The following BIRC6 variants were observed in gnomAD, a reference collection of about 807,000 sequenced individuals.
The protein encoded by BIRC6 is baculoviral IAP repeat containing 6.
A neutral mutation model predicts 503.3 loss-of-function variants in BIRC6; 98 were observed. The observed-to-expected ratio is 0.19, with a 90% confidence interval of 0.17 to 0.23. The LOEUF is 0.23. BIRC6 is among the 10% of genes least tolerant of loss of function. The probability of loss-of-function intolerance (pLI) is 1.00; values close to 1 mark genes in which losing one functional copy is unlikely to be tolerated. For synonymous variants in BIRC6, 2,240 were observed against 2,078.7 expected, an observed-to-expected ratio of 1.08 and a Z score of -2.11; for missense variants, 5,360 against 5,806.0, an observed-to-expected ratio of 0.92 and a Z score of 2.50.
intron 61 of BIRC6, among the ~76,000 whole-genome samples, chr2:32,535,332 T>C (rs898236194): frequency 2.6e-5 from 4 of 152,178 alleles, no homozygotes; most frequent in Non-Finnish European, 5.9e-5. Context: ...ATTATACTTT[T>C]AGGGTACATG....
At chr2:32,377,466 T>C (rs909117675) in intron 1 of BIRC6, 122 bp from the exon 2 acceptor site, 2 of 715,618 alleles carry the variant, frequency 2.8e-6, no homozygotes, top group Admixed American at 8.2e-5. Context: ...TTTAGAGAAG[T>C]TTTTTCCAGT....
chr2:32,441,958 T>G, intron 17 of BIRC6, 107 bp from the exon 18 acceptor site: 25 of 823,278 alleles, frequency 3.0e-5, no homozygotes, highest in Non-Finnish European at 3.9e-5. Context: ...TAAATGTACT[T>G]GAGATGTTCA....
intron 57 of BIRC6, chr2:32,522,519 T>G (rs1382357923): frequency 6.6e-6 from 1 of 152,138 alleles, no homozygotes; most frequent in Non-Finnish European, 1.5e-5. Flanking sequence ...GCACATGAAA[T>G]GAGACTAAGA....
At chr2:32,393,707 G>A (rs2149595376) in intron 5 of BIRC6, among the ~76,000 whole-genome samples, 1 of 152,208 alleles carries the variant, frequency 6.6e-6, no homozygotes, top group African/African-American at 2.4e-5. Context: ...TTTTTGTAGA[G>A]ATGAGATTTC....
At chr2:32,564,310 A>G (rs2059389671) in intron 65 of BIRC6, 1 of 152,198 alleles carries the variant, frequency 6.6e-6, no homozygotes, top group Non-Finnish European at 1.5e-5. Context: ...GTAGTTGATA[A>G]CTTCTTCGGG....
rs1022862887 is a variant in BIRC6, at chr2:32,611,702, C to A, written c.14394+120C>A. 4.8e-6 allele frequency: 5 copies of A among 1,040,544 alleles called. No individual in the cohort carries two copies. In the Admixed American group the frequency reaches 1.9e-4, roughly 40 times the overall value. 64.5% of individuals were successfully genotyped at this position (1,040,544 alleles called of 1,614,324 possible). A position where few individuals can be genotyped will look rare whatever the true frequency, so the allele number is the denominator to read the frequency against. On this transcript the variant is annotated intron_variant, in intron 73 of 73. Transcript: ENST00000421745. ...ATTAAAGAAACATAATATGTATTTT[C>A]AGTTCAGAGGAATAAATTGTTACTC...
At position 32,529,731 on chromosome 2, in the gene BIRC6, T is replaced by C; in HGVS notation, c.12001T>C (p.Ser4001Pro). ...CCGAAAACTTCCTCAGGGTTACCGC[T>C]CAATAGATCTGACTGTTAAATTGGG... is the stretch of plus-strand genomic sequence containing the variant. ...YDRKLPQGYRSIDLTVKLGSR... is the reference protein window; with the variant it reads ...YDRKLPQGYRPIDLTVKLGSR... Residue 4001 changes from serine to proline, a missense_variant, in exon 60 of 74, where the codon TCA becomes CCA. By Grantham distance (74) the Ser-to-Pro change is moderately conservative. Coordinates refer to ENST00000421745, the MANE Select transcript of BIRC6 (RefSeq NM_016252.4). 6.2e-7 allele frequency: 1 copy of C among 1,613,714 alleles called. No homozygotes were observed. Among genetic ancestry groups the C allele is most frequent in the Non-Finnish European group, 8.5e-7 (1 of 1,179,718 alleles).
At chr2:32,372,897 G>C (rs1302485064) in intron 1 of BIRC6, among the ~76,000 whole-genome samples, 1 of 152,130 alleles carries the variant, frequency 6.6e-6, no homozygotes, top group Non-Finnish European at 1.5e-5. Flanking sequence ...TATAAATAGA[G>C]CGACTATAAA....
intron 29 of BIRC6, 54 bp from the exon 30 acceptor site, chr2:32,469,341 A>T: frequency 7.5e-7 from 1 of 1,327,308 alleles, no homozygotes; most frequent in Non-Finnish European, 1.0e-6. Flanking sequence ...GCGTATTTTA[A>T]TATTATACAA....
intron 1 of BIRC6, among the ~76,000 whole-genome samples, chr2:32,372,092 C>T (rs189514708): frequency 9.2e-5 from 14 of 152,254 alleles, no homozygotes; most frequent in African/African-American, 3.1e-4. Context: ...GGTGTGAAGG[C>T]ATTGCGCTTG....
chr2:32,368,171 C>T (rs1236818380), intron 1 of BIRC6, among the ~76,000 whole-genome samples: 1 of 152,008 alleles, frequency 6.6e-6, no homozygotes, highest in Non-Finnish European at 1.5e-5. Flanking sequence ...GAGTGCAGCC[C>T]AGGCATACTG....
At chr2:32,490,459 T>C (rs763501198) in intron 43 of BIRC6, among the ~76,000 whole-genome samples, 1 of 152,270 alleles carries the variant, frequency 6.6e-6, no homozygotes, top group Non-Finnish European at 1.5e-5. Flanking sequence ...CACTTGAACC[T>C]GGAAGGCGAA....
At chr2:32,392,567 A>T (rs989643447) in intron 5 of BIRC6, among the ~76,000 whole-genome samples, 4 of 152,182 alleles carry the variant, frequency 2.6e-5, no homozygotes, top group African/African-American at 4.8e-5. Context: ...TGTTTAAGCA[A>T]TTAACAACTG....
At position 32,415,003 on chromosome 2, in the gene BIRC6, G is replaced by T; in HGVS notation, c.1712G>T (p.Gly571Val). ...CCTTTTCCATGTTTATTAGCTGGAGGTTTATTAACATATAAATCTCCTGCT... is the reference window on the plus strand; with the variant it reads ...CCTTTTCCATGTTTATTAGCTGGAGTTTTATTAACATATAAATCTCCTGCT... Reference protein sequence around the residue: ...NIPFPCLLAGGLLTYKSPATS... With the variant: ...NIPFPCLLAGVLLTYKSPATS... The change falls in exon 10 of 74, where the codon GGT becomes GTT. Residue 571 changes from glycine to valine, a missense_variant. Physicochemically the swap from Gly to Val is moderately radical, Grantham distance 109 (BLOSUM62 -3). This residue lies in a region of BIRC6 where 700 missense variants were observed against 739.3 expected (regional missense o/e 0.95). Transcript: ENST00000421745. 2 of 1,613,834 alleles carry T rather than the reference G, an allele frequency of 1.2e-6. No homozygotes were observed. Among genetic ancestry groups the T allele is most frequent in the Middle Eastern group, 1.6e-4 (1 of 6,062 alleles).
rs70938341 is a variant in BIRC6, at chr2:32,367,463, CA to C, written c.325+9987del. On this transcript the variant is annotated intron_variant, in intron 1 of 73. Coordinates refer to ENST00000421745, the MANE Select transcript of BIRC6 (RefSeq NM_016252.4). The stretch of plus-strand genomic sequence containing the variant: ...GGGCAACAACAGTGAAACACCATCT[CA>C]AAAAAAAAACAAAAAAACGAAAAAC... Among the ~76,000 whole-genome samples, 1,258 of 140,710 alleles carry C rather than the reference CA, an allele frequency of 8.9e-3. 9 individuals are homozygous for C. The highest frequency in any genetic ancestry group is 0.022 in the Middle Eastern group (6 of 272). 92.3% of individuals were successfully genotyped at this position (140,710 alleles called of 152,430 possible). A position where few individuals can be genotyped will look rare whatever the true frequency, so the allele number is the denominator to read the frequency against.
chr2:32,552,687 C>CATTAAATA (rs1559038247), intron 65 of BIRC6, among the ~76,000 whole-genome samples: 1 of 151,962 alleles, frequency 6.6e-6, no homozygotes, highest in Non-Finnish European at 1.5e-5. Flanking sequence ...TGTATTTAGT[C>CATTAAATA]ATTAAATAAT....
rs1206092125 is a variant in BIRC6, at chr2:32,545,780, T to G, written c.12730T>G (p.Leu4244Val). The G allele has an allele frequency of 5.0e-6, 8 of 1,613,826 alleles. No individual in the cohort carries two copies. The highest frequency in any genetic ancestry group is 6.8e-6 in the Non-Finnish European group (8 of 1,179,846). Residue 4244 changes from leucine (L) to valine (V), a missense_variant, in exon 63 of 74, where the codon TTA becomes GTA. Physicochemically the swap from Leu to Val is conservative, Grantham distance 32. Coordinates refer to ENST00000421745, the MANE Select transcript of BIRC6 (RefSeq NM_016252.4). ...LRRMALEIGA[L>V]HLILVCLSAL... Reference sequence around the variant, plus strand: ...GCGGATGGCATTGGAAATTGGAGCCTTACACCTCATTCTTGTCTGTCTCTC... The same window carrying G: ...GCGGATGGCATTGGAAATTGGAGCCGTACACCTCATTCTTGTCTGTCTCTC...
intron 66 of BIRC6, among the ~76,000 whole-genome samples, chr2:32,583,231 A>G (rs899556498): frequency 1.3e-5 from 2 of 152,202 alleles, no homozygotes; most frequent in African/African-American, 4.8e-5. Context: ...CTGTGTTTTG[A>G]AAGTTGACAA....
intron 16 of BIRC6, among the ~76,000 whole-genome samples, chr2:32,440,751 T>TTTTTATTATTATTATTATTATTATTATTA (rs773312894): frequency 1.4e-5 from 2 of 147,150 alleles, no homozygotes; most frequent in Non-Finnish European, 3.0e-5. Context: ...TGTTTATTTA[T>TTTTTATTATTATTATTATTATTATTATTA]TTATTATTAT....
Sources: allele counts gnomAD v4.1 joint callset (sites outside exome capture counted in the v4.1 genomes callset), GRCh38; gene constraint gnomAD v4.1.1; regional missense constraint gnomAD v4.1.1; transcripts MANE v1.5; gene names NCBI Gene and HGNC (gene_info 2026-07-23, HGNC 2026-07-21).